CELF2: variants seen among roughly 807,000 people sequenced by gnomAD.
The protein encoded by CELF2 is CUG triplet repeat RNA-binding protein 2.
Under a neutral mutation model 62.6 loss-of-function variants are expected in CELF2, and 8 were observed. The ratio of observed to expected loss-of-function variants is 0.13; its 90% CI spans 0.07 to 0.23. The LOEUF is 0.23. Among genes scored for constraint, CELF2 ranks in the 10% least tolerant of loss-of-function variants. The pLI is 1.00. For missense variants in CELF2, 333 were observed against 671.0 expected (o/e 0.50, Z 5.56); for synonymous variants, 258 against 250.0 (o/e 1.03, Z -0.30).
intron 1 of CELF2, among the ~76,000 whole-genome samples, chr10:10,861,302 G>C (rs1258045766): frequency 1.3e-5 from 2 of 151,786 alleles, no homozygotes; most frequent in Non-Finnish European, 2.9e-5. Flanking sequence ...TCAAACTCCT[G>C]GGCTCAAGTG....
the CELF2 span, among the ~76,000 whole-genome samples, chr10:10,511,182 G>T: frequency 1.3e-5 from 2 of 152,164 alleles, no homozygotes; most frequent in Non-Finnish European, 2.9e-5. Flanking sequence ...GGCCAAGGTG[G>T]ACAGATCACC....
At chr10:10,864,608 G>A (rs1012059723) in intron 1 of CELF2, among the ~76,000 whole-genome samples, 5 of 152,100 alleles carry the variant, frequency 3.3e-5, no homozygotes, top group Admixed American at 2.0e-4. Context: ...GGTGGTTGGG[G>A]GAAGCGTTCT....
chr10:11,048,014 C>A (rs968989035), intron 1 of CELF2, among the ~76,000 whole-genome samples: 1 of 152,146 alleles, frequency 6.6e-6, no homozygotes, highest in Non-Finnish European at 1.5e-5. Flanking sequence ...CCCTGAAGCC[C>A]TCTCTCCAAA....
the CELF2 span, among the ~76,000 whole-genome samples, chr10:10,494,285 G>A: frequency 6.6e-6 from 1 of 152,184 alleles, no homozygotes; most frequent in African/African-American, 2.4e-5. Flanking sequence ...TGAAATACTG[G>A]AATTCAGAAT....
At chr10:11,219,509 T>C (rs1362287631) in intron 3 of CELF2, among the ~76,000 whole-genome samples, 1 of 152,236 alleles carries the variant, frequency 6.6e-6, no homozygotes, top group Non-Finnish European at 1.5e-5. Context: ...TCTAGTTTCA[T>C]ATGCCCAATT....
chr10:10,592,214 C>T, the CELF2 span, among the ~76,000 whole-genome samples: 1 of 152,164 alleles, frequency 6.6e-6, no homozygotes, highest in East Asian at 1.9e-4. Context: ...TTCCCAAGAG[C>T]CTCAGGATGG....
chr10:10,504,463 C>G, the CELF2 span, among the ~76,000 whole-genome samples: 3 of 152,118 alleles, frequency 2.0e-5, no homozygotes, highest in African/African-American at 7.2e-5. Flanking sequence ...GGTAAGGCAT[C>G]ATTTTTACTC....
the CELF2 span, among the ~76,000 whole-genome samples, chr10:10,760,571 A>G: frequency 6.6e-6 from 1 of 152,168 alleles, no homozygotes; most frequent in Admixed American, 6.5e-5. Context: ...GAAGCAGTGA[A>G]TGGGGGATGT....
At chr10:11,312,891 GC>G (rs2094648384) in intron 9 of CELF2, among the ~76,000 whole-genome samples, 1 of 152,196 alleles carries the variant, frequency 6.6e-6, no homozygotes, top group South Asian at 2.1e-4. Flanking sequence ...CCAAGATCAT[GC>G]CACTGCACTC....
chr10:11,082,616 A>C (rs1398354064), intron 1 of CELF2, among the ~76,000 whole-genome samples: 3 of 152,252 alleles, frequency 2.0e-5, no homozygotes, highest in Non-Finnish European at 4.4e-5. Flanking sequence ...TACTTAGATG[A>C]GCTCTGAGAT....
intron 2 of CELF2, among the ~76,000 whole-genome samples, chr10:10,945,623 G>A (rs2047577498): frequency 6.6e-6 from 1 of 152,230 alleles, no homozygotes; most frequent in Non-Finnish European, 1.5e-5. Context: ...GGGAGCCTGT[G>A]AATGTCACTG....
intron 1 of CELF2, among the ~76,000 whole-genome samples, chr10:10,895,902 G>A (rs757006267): frequency 6.6e-6 from 1 of 152,124 alleles, no homozygotes; most frequent in Non-Finnish European, 1.5e-5. Flanking sequence ...GAGTTTCCAG[G>A]CCATGGCTTG....
At chr10:10,602,267 G>A in the CELF2 span, among the ~76,000 whole-genome samples, 1 of 152,056 alleles carries the variant, frequency 6.6e-6, no homozygotes, top group Non-Finnish European at 1.5e-5. Flanking sequence ...CACTGAGATA[G>A]GCTGTGTACC....
In CELF2 at chr10:11,011,685, C is replaced by T. The variant is rs1593101416; in HGVS notation, c.53+6245C>T. Among the ~76,000 whole-genome samples the T allele has an allele frequency of 1.1e-5, 1 of 93,042 alleles. No homozygotes were observed. Among genetic ancestry groups the T allele is most frequent in the Non-Finnish European group, 1.9e-5 (1 of 53,538 alleles). The allele number at this position is 93,042 out of a possible 152,430, so 61.0% of individuals were successfully genotyped here. The stretch of plus-strand genomic sequence containing the variant: ...TGGTAGGACAAGATAGAACATACTC[C>T]ACTCTGTATAGCTTGACTAGGTAGC... On this transcript the variant is annotated intron_variant, in intron 1 of 12. Coordinates refer to the CELF2 transcript ENST00000416382. This position sits in a 1 kb window ranked among gnomAD's most constrained non-coding sequence, Gnocchi z 4.6.
intron 1 of CELF2, among the ~76,000 whole-genome samples, chr10:11,101,421 T>C (rs1281029739): frequency 1.3e-5 from 2 of 152,158 alleles, no homozygotes; most frequent in Admixed American, 6.5e-5. Flanking sequence ...ATTCCTGAGC[T>C]AGGTAGAGGA....
the CELF2 span, among the ~76,000 whole-genome samples, chr10:10,760,924 T>G: frequency 6.6e-6 from 1 of 152,212 alleles, no homozygotes; most frequent in Non-Finnish European, 1.5e-5. Context: ...TTAAGGAGTT[T>G]GGACTTTATC....
At chr10:10,588,097 A>G in the CELF2 span, among the ~76,000 whole-genome samples, 4 of 152,052 alleles carry the variant, frequency 2.6e-5, no homozygotes, top group African/African-American at 7.2e-5. Flanking sequence ...TTAAAGAAGC[A>G]TAAATGTTTC....
the CELF2 span, among the ~76,000 whole-genome samples, chr10:10,495,103 C>T: frequency 1.6e-4 from 23 of 147,890 alleles, no homozygotes; most frequent in African/African-American, 5.6e-4. Context: ...GGTGAAACCC[C>T]GTCTCTACTA....
Position 11,145,319 on chromosome 10 carries a change from G to A in CELF2, c.75-20167G>A, listed in dbSNP as rs1309172800. 6.6e-6 allele frequency among the ~76,000 whole-genome samples: 1 copy of A among 152,242 alleles called. No individual in the cohort carries two copies. Among genetic ancestry groups the A allele is most frequent in the East Asian group, 1.9e-4 (1 of 5,204 alleles). ...ACTTTTATGTGTTGTTGAAAGAGCT[G>A]GCTGAGCTTCAGATGGGTTTGCAGG... On this transcript the variant is annotated intron_variant, in intron 1 of 12. Transcript: ENST00000633077. This position sits in a 1 kb window ranked among gnomAD's most constrained non-coding sequence, Gnocchi z 4.3.
Sources: allele counts gnomAD v4.1 joint callset (sites outside exome capture counted in the v4.1 genomes callset), GRCh38; gene constraint gnomAD v4.1.1; non-coding constraint Gnocchi (gnomAD v3.1); transcripts MANE v1.5; gene names NCBI Gene and HGNC (gene_info 2026-07-23, HGNC 2026-07-21).